Variants in PDGFD observed in about 807,000 individuals in gnomAD.
PDGFD encodes the protein platelet derived growth factor D.
In PDGFD, 30 loss-of-function variants were observed where a neutral mutation model predicts 44.7. The observed-to-expected ratio is 0.67, with a 90% confidence interval of 0.50 to 0.91. The LOEUF (loss-of-function observed/expected upper bound fraction) is 0.91, where lower values mean the gene tolerates loss of function less well. Ranked by LOEUF, PDGFD falls within the 40% of genes least tolerant of loss-of-function variation. The pLI is 0.00. For synonymous variants in PDGFD, 173 were observed against 168.4 expected, an observed-to-expected ratio of 1.03 and a Z score of -0.21; for missense variants, 445 against 457.8, an observed-to-expected ratio of 0.97 and a Z score of 0.25.
chr11:103,908,665 T>C lies in PDGFD; in HGVS notation c.*1029A>G, dbSNP rs1454550164. On this transcript the variant is annotated 3_prime_UTR_variant, in exon 7 of 7. Transcript: ENST00000393158. Reference sequence around the variant, plus strand: ...ACAAAAGCAAGATACATTAAATTAATTGGTGTAGTTTGGAGAGTTCGAATC... The same window carrying C: ...ACAAAAGCAAGATACATTAAATTAACTGGTGTAGTTTGGAGAGTTCGAATC... 5 of 152,342 alleles carry C rather than the reference T, an allele frequency of 3.3e-5. No individual in the cohort carries two copies. The East Asian group carries it at 5.8e-4, about 18-fold the overall frequency. 9.4% of individuals were successfully genotyped at this position (152,342 alleles called of 1,614,324 possible). A position where few individuals can be genotyped will look rare whatever the true frequency, so the allele number is the denominator to read the frequency against.
At chr11:104,097,334 A>G (rs1591161865) in intron 1 of PDGFD, among the ~76,000 whole-genome samples, 1 of 152,202 alleles carries the variant, frequency 6.6e-6, no homozygotes. Context: ...TCCAAGAAAC[A>G]TGATTTGTCA....
chr11:104,089,248 T>A (rs1470302671), intron 1 of PDGFD, among the ~76,000 whole-genome samples: 1 of 152,176 alleles, frequency 6.6e-6, no homozygotes, highest in African/African-American at 2.4e-5. Flanking sequence ...AGAGAATTAA[T>A]TTATACTGAA....
chr11:103,967,596 G>C (rs1448562317), intron 3 of PDGFD, among the ~76,000 whole-genome samples: 2 of 152,022 alleles, frequency 1.3e-5, no homozygotes, highest in Non-Finnish European at 2.9e-5. Flanking sequence ...TCATCACTTT[G>C]GCTTCTCTTA....
At chr11:104,080,479 C>T (rs1444794392) in intron 1 of PDGFD, among the ~76,000 whole-genome samples, 1 of 152,186 alleles carries the variant, frequency 6.6e-6, no homozygotes, top group East Asian at 1.9e-4. Context: ...AGCACAGGGT[C>T]TAAAATGTCT....
intron 1 of PDGFD, 23 bp from the exon 2 acceptor site, chr11:104,000,278 G>C (rs1859600987): frequency 1.3e-6 from 2 of 1,589,930 alleles, no homozygotes; most frequent in African/African-American, 2.7e-5. Flanking sequence ...ACAACTTGTA[G>C]AAATTAGTAT....
intron 1 of PDGFD, among the ~76,000 whole-genome samples, chr11:104,113,791 T>TG (rs1861594772): frequency 6.6e-6 from 1 of 152,104 alleles, no homozygotes; most frequent in Admixed American, 6.6e-5. Flanking sequence ...GTGTTATCAC[T>TG]GCTCTGGATT....
At chr11:104,073,565 G>A (rs929564894) in intron 1 of PDGFD, among the ~76,000 whole-genome samples, 1 of 152,136 alleles carries the variant, frequency 6.6e-6, no homozygotes, top group East Asian at 1.9e-4. Context: ...TGTAAATAAA[G>A]TTTGTCCTCA....
chr11:103,984,558 A>G (rs571302334), intron 3 of PDGFD, among the ~76,000 whole-genome samples: 2 of 151,738 alleles, frequency 1.3e-5, no homozygotes, highest in Non-Finnish European at 2.9e-5. Context: ...CCCTGAACAT[A>G]AAAGTTAAAA....
chr11:103,931,174 T>A (rs1468573787), intron 5 of PDGFD, among the ~76,000 whole-genome samples: 1 of 152,220 alleles, frequency 6.6e-6, no homozygotes, highest in Non-Finnish European at 1.5e-5. Flanking sequence ...AATCTATTCC[T>A]TATTAAAGTG....
rs147348899 is a variant in PDGFD at position 104,092,384 on chromosome 11, C to T, written c.124+71420G>A. Among the ~76,000 whole-genome samples the T allele has an allele frequency of 7.2e-5, 11 of 152,222 alleles. No homozygotes were observed. In the East Asian group the frequency reaches 1.7e-3, roughly 24 times the overall value. On this transcript the variant is annotated intron_variant, in intron 1 of 6. Coordinates refer to ENST00000393158, the MANE Select transcript of PDGFD (RefSeq NM_025208.5). ...CTTATTTTACAGAAGACAAAAGAAA[C>T]GTGTCTGTGATCGCACCCAGCAGAA...
At chr11:103,980,451 A>C (rs532537376) in intron 3 of PDGFD, among the ~76,000 whole-genome samples, 2 of 152,240 alleles carry the variant, frequency 1.3e-5, no homozygotes, top group African/African-American at 4.8e-5. Context: ...GGGACTGACC[A>C]AGAAAGGTAC....
intron 3 of PDGFD, among the ~76,000 whole-genome samples, chr11:103,986,975 G>A (rs555602092): frequency 8.5e-4 from 130 of 152,148 alleles, no homozygotes; most frequent in Admixed American, 4.2e-3. Context: ...CTCGTGGTCC[G>A]CAACCAGGAA....
At chr11:104,120,845 C>T (rs2134463251) in intron 1 of PDGFD, among the ~76,000 whole-genome samples, 1 of 151,962 alleles carries the variant, frequency 6.6e-6, no homozygotes. Context: ...GATTTTTTCC[C>T]CCTTTGTACA....
At chr11:103,981,350 T>C (rs1277976192) in intron 3 of PDGFD, among the ~76,000 whole-genome samples, 1 of 151,608 alleles carries the variant, frequency 6.6e-6, no homozygotes. Flanking sequence ...CCTCCAAAAC[T>C]GTAAGAAATA....
At chr11:104,131,992 CA>C (rs1861930093) in intron 1 of PDGFD, among the ~76,000 whole-genome samples, 1 of 148,072 alleles carries the variant, frequency 6.8e-6, no homozygotes, top group African/African-American at 2.6e-5. Context: ...CAAAACAAAA[CA>C]AAACAAAAAA....
chr11:103,955,237 T>A (rs144808752), intron 3 of PDGFD, among the ~76,000 whole-genome samples: 3 of 132,912 alleles, frequency 2.3e-5, no homozygotes, highest in South Asian at 2.8e-4. Context: ...ATGATCAACA[T>A]CCATTCTTTC....
In PDGFD at chr11:104,068,799, ATTC is replaced by A. The variant is rs569579263; in HGVS notation, c.125-68547_125-68545del. ...TTAACATTTTATGACATTTATTTTT[ATTC>A]TTCTCTCTCCCTTTCTCACATATGC... On this transcript the variant is annotated intron_variant, in intron 1 of 6. Coordinates refer to ENST00000393158, the MANE Select transcript of PDGFD (RefSeq NM_025208.5). Among the ~76,000 whole-genome samples the A allele has an allele frequency of 2.7e-3, 304 of 113,486 alleles. 1 individual carries two copies. Among genetic ancestry groups the A allele is most frequent in the Non-Finnish European group, 4.1e-3 (244 of 59,296 alleles). The allele number at this position is 113,486 out of a possible 152,430, so 74.5% of individuals were successfully genotyped here.
intron 1 of PDGFD, among the ~76,000 whole-genome samples, chr11:104,117,875 A>T (rs1381214025): frequency 6.6e-6 from 1 of 152,036 alleles, no homozygotes; most frequent in African/African-American, 2.4e-5. Flanking sequence ...CAGAAGTAGA[A>T]AAAACAATCC....
intron 1 of PDGFD, among the ~76,000 whole-genome samples, chr11:104,059,006 C>T (rs990562517): frequency 1.3e-5 from 2 of 152,154 alleles, no homozygotes; most frequent in Non-Finnish European, 2.9e-5. Context: ...CAGGGAAGCA[C>T]CATGGGACAT....
Sources: gnomAD v4.1 joint callset for allele counts (sites outside exome capture counted in the v4.1 genomes callset) on GRCh38, gnomAD v4.1.1 for gene constraint, MANE v1.5 for transcripts, NCBI Gene and HGNC (gene_info 2026-07-23, HGNC 2026-07-21) for gene names.